Variants in GNB1 observed in about 807,000 individuals in gnomAD.
GNB1 encodes the protein guanine nucleotide-binding protein G(I)/G(S)/G(T) subunit beta-1.
Under a neutral mutation model 42.9 loss-of-function variants are expected in GNB1, and 2 were observed. The ratio of observed to expected loss-of-function variants is 0.05; its 90% CI spans 0.02 to 0.15. GNB1 has a LOEUF of 0.15. Ranked by LOEUF, GNB1 falls within the 10% of genes least tolerant of loss-of-function variation. GNB1 has a pLI of 1.00. For missense variants in GNB1, 193 were observed against 462.2 expected (o/e 0.42, Z 5.34); for synonymous variants, 183 against 174.7 (o/e 1.05, Z -0.38).
rs551097258 is a variant in GNB1, at chr1:1,848,388, T to G, written c.-95-9150A>C. Among the ~76,000 whole-genome samples, 473 of 137,350 alleles carry G rather than the reference T, an allele frequency of 3.4e-3. 4 individuals are homozygous for G. Among genetic ancestry groups the G allele is most frequent in the African/African-American group, 0.012 (439 of 36,314 alleles). The allele number at this position is 137,350 out of a possible 152,430, so 90.1% of individuals were successfully genotyped here. On this transcript the variant is annotated intron_variant, in intron 1 of 11. Coordinates refer to ENST00000378609, the MANE Select transcript of GNB1 (RefSeq NM_002074.5). ...AAAAAAAAAAAAGAAAAAGAAAAAATAAAACGAAAAAGAAAGAAGTCAGAA... is the reference window on the plus strand; with the variant it reads ...AAAAAAAAAAAAGAAAAAGAAAAAAGAAAACGAAAAAGAAAGAAGTCAGAA...
chr1:1,873,091 G>A (rs983611902), intron 1 of GNB1, among the ~76,000 whole-genome samples: 8 of 151,204 alleles, frequency 5.3e-5, no homozygotes, highest in African/African-American at 1.9e-4. Flanking sequence ...GTAGAGATGC[G>A]GTCTCACTAT....
intron 8 of GNB1, among the ~76,000 whole-genome samples, chr1:1,792,746 G>A (rs1646498872): frequency 6.6e-6 from 1 of 150,976 alleles, no homozygotes; most frequent in Non-Finnish European, 1.5e-5. Flanking sequence ...CTCAGCTGCT[G>A]AAAATTAAAC....
At chr1:1,852,871 G>A (rs1174612312) in intron 1 of GNB1, among the ~76,000 whole-genome samples, 4 of 151,958 alleles carry the variant, frequency 2.6e-5, no homozygotes, top group African/African-American at 4.8e-5. Flanking sequence ...ACCCTCAACT[G>A]GTTCTTTTGT....
In GNB1 at chr1:1,787,104, TGCA is replaced by T; in HGVS notation, c.*10-54_*10-52del. ...TGTGAAAAGAGGCAGAGAATCTAAG[TGCA>T]GACGCACAGCCAGGTCACTGCTCTT... On this transcript the variant is annotated intron_variant, in intron 11 of 11. Transcript: ENST00000378609. This position sits in a 1 kb window ranked among gnomAD's most constrained non-coding sequence, Gnocchi z 4.4. 2.3e-6 allele frequency: 1 copy of T among 428,618 alleles called. No individual in the cohort carries two copies. The allele number at this position is 428,618 out of a possible 1,614,324, so 26.6% of individuals were successfully genotyped here.
chr1:1,816,044 G>A (rs532710617), intron 4 of GNB1, among the ~76,000 whole-genome samples, 182 bp from the exon 5 acceptor site: 112 of 152,244 alleles, frequency 7.4e-4, no homozygotes, highest in Admixed American at 1.8e-3. Context: ...CTCTTACCAA[G>A]TCTCAGTCTG....
intron 2 of GNB1, among the ~76,000 whole-genome samples, chr1:1,828,321 C>T (rs773837163): frequency 3.9e-5 from 6 of 151,918 alleles, no homozygotes; most frequent in Admixed American, 2.0e-4. Context: ...AACTCTGTCT[C>T]GAGAAAAAAA....
Position 1,844,874 on chromosome 1 carries a change from A to G in GNB1, c.-95-5636T>C, listed in dbSNP as rs552186579. On this transcript the variant is annotated intron_variant, in intron 1 of 11. Coordinates refer to ENST00000378609, the MANE Select transcript of GNB1 (RefSeq NM_002074.5). The stretch of plus-strand genomic sequence containing the variant: ...ATCTTTCTCAACCCTGAAAAAGTCT[A>G]TATTCCGGAAAACATCCAGCCCCAA... Among the ~76,000 whole-genome samples the G allele has an allele frequency of 9.2e-5, 14 of 152,340 alleles. No homozygotes were observed. In the South Asian group the frequency reaches 2.5e-3, roughly 27 times the overall value.
intron 2 of GNB1, 184 bp from the exon 3 acceptor site, chr1:1,825,683 T>G (rs914697957): frequency 2.6e-6 from 1 of 377,948 alleles, no homozygotes; most frequent in Middle Eastern, 6.0e-4. Flanking sequence ...GCTAACACGG[T>G]CAAACCCCTT....
intron 1 of GNB1, among the ~76,000 whole-genome samples, chr1:1,849,007 C>A (rs1169267114): frequency 5.3e-5 from 8 of 152,216 alleles, no homozygotes; most frequent in Admixed American, 3.9e-4. Context: ...AAGATAGAGG[C>A]TGGTCACCAG....
chr1:1,822,812 A>ACAAGC (rs1646949861), intron 3 of GNB1, among the ~76,000 whole-genome samples: 1 of 152,178 alleles, frequency 6.6e-6, no homozygotes, highest in South Asian at 2.1e-4. Flanking sequence ...CCTGTGCCAT[A>ACAAGC]CAAGCTCTTT....
intron 2 of GNB1, among the ~76,000 whole-genome samples, chr1:1,829,899 C>T (rs1322362465): frequency 1.3e-5 from 2 of 151,926 alleles, no homozygotes; most frequent in African/African-American, 2.4e-5. Context: ...CCACCACAAC[C>T]GGCTAATTTT....
intron 1 of GNB1, among the ~76,000 whole-genome samples, chr1:1,867,081 A>C (rs1435044576): frequency 6.6e-6 from 1 of 152,186 alleles, no homozygotes; most frequent in Non-Finnish European, 1.5e-5. Flanking sequence ...AGCCTGGCCA[A>C]CATGGCGAAA....
At chr1:1,798,597 C>G (rs938082237) in intron 7 of GNB1, among the ~76,000 whole-genome samples, 1 of 152,190 alleles carries the variant, frequency 6.6e-6, no homozygotes, top group Non-Finnish European at 1.5e-5. Flanking sequence ...CTCCACTGCC[C>G]GAGAGGTATG....
At chr1:1,872,545 G>A (rs900241370) in intron 1 of GNB1, among the ~76,000 whole-genome samples, 3 of 152,070 alleles carry the variant, frequency 2.0e-5, no homozygotes, top group African/African-American at 4.8e-5. Flanking sequence ...AGCTTCACCC[G>A]CTGTCCCTTC....
chr1:1,847,870 G>T (rs1233749684), intron 1 of GNB1, among the ~76,000 whole-genome samples: 2 of 152,170 alleles, frequency 1.3e-5, no homozygotes, highest in African/African-American at 4.8e-5. Flanking sequence ...GGAATTAACA[G>T]AACACACCTT....
intron 7 of GNB1, among the ~76,000 whole-genome samples, chr1:1,802,588 G>A (rs1646639714): frequency 6.6e-6 from 1 of 151,880 alleles, no homozygotes; most frequent in Non-Finnish European, 1.5e-5. Context: ...GACCAACATG[G>A]CAAAACCCCG....
intron 1 of GNB1, among the ~76,000 whole-genome samples, chr1:1,841,566 C>T (rs578017821): frequency 1.3e-5 from 2 of 152,348 alleles, no homozygotes; most frequent in East Asian, 3.9e-4. Flanking sequence ...CTTCACAGGT[C>T]ACCACCTGCC....
chr1:1,856,234 C>T (rs1648291144), intron 1 of GNB1, among the ~76,000 whole-genome samples: 2 of 152,326 alleles, frequency 1.3e-5, no homozygotes, highest in African/African-American at 2.4e-5. Context: ...ATTGCCCAGG[C>T]TGTTTTCAAA....
chr1:1,858,992 T>C (rs1293509918), intron 1 of GNB1, among the ~76,000 whole-genome samples: 1 of 151,922 alleles, frequency 6.6e-6, no homozygotes, highest in Non-Finnish European at 1.5e-5. Context: ...AAAAATAAAA[T>C]ACAGTTTCCT....
Sources: allele counts gnomAD v4.1 joint callset (sites outside exome capture counted in the v4.1 genomes callset), GRCh38; gene constraint gnomAD v4.1.1; non-coding constraint Gnocchi (gnomAD v3.1); transcripts MANE v1.5; gene names NCBI Gene and HGNC (gene_info 2026-07-23, HGNC 2026-07-21).